The following RNF111 variants were observed in gnomAD, a reference collection of about 807,000 sequenced individuals.
RNF111 encodes ring finger protein 111.
RNF111 carries 17 observed loss-of-function variants against 95.1 expected under a neutral mutation model. That is an observed-to-expected ratio of 0.18 (90% confidence interval 0.12 to 0.27). RNF111 has a LOEUF of 0.27. RNF111 is among the 10% of genes least tolerant of loss of function. The pLI, the probability that RNF111 is intolerant of heterozygous loss-of-function variation, is 1.00. For missense variants in RNF111, 1,189 were observed against 1,210.4 expected (o/e 0.98, Z 0.26); for synonymous variants, 440 against 414.8 (o/e 1.06, Z -0.74).
At chr15:59,086,391 T>A (rs1010331002) in intron 10 of RNF111, among the ~76,000 whole-genome samples, 3 of 152,214 alleles carry the variant, frequency 2.0e-5, no homozygotes, top group Admixed American at 6.5e-5. Context: ...AGTGCTGGGA[T>A]TACAGGCTTG....
intron 1 of RNF111, among the ~76,000 whole-genome samples, chr15:59,000,375 C>T (rs1353547141): frequency 6.6e-6 from 1 of 151,840 alleles, no homozygotes; most frequent in Admixed American, 6.6e-5. Flanking sequence ...GTTGTCCAGG[C>T]TGATCTCAAA....
At chr15:59,080,114 CTTTTTTTTTTT>C (rs1194255542) in intron 7 of RNF111, among the ~76,000 whole-genome samples, 1 of 85,446 alleles carries the variant, frequency 1.2e-5, no homozygotes, top group Non-Finnish European at 2.1e-5. Flanking sequence ...TTGTGTGCTC[CTTTTTTTTTTT>C]TTTTTTTTTT....
chr15:58,997,833 C>G (rs1370732490), intron 1 of RNF111, among the ~76,000 whole-genome samples: 1 of 151,662 alleles, frequency 6.6e-6, no homozygotes, highest in Non-Finnish European at 1.5e-5. Context: ...AAACAAAAAC[C>G]CAAAAAATTT....
rs2079188474 is a variant in RNF111, at chr15:59,097,338, C to T, written c.*2438C>T. 6.6e-6 allele frequency: 1 copy of T among 152,164 alleles called. No individual in the cohort carries two copies. Among genetic ancestry groups the T allele is most frequent in the African/African-American group, 2.4e-5 (1 of 41,444 alleles). The allele number at this position is 152,164 out of a possible 1,614,324, so 9.4% of individuals were successfully genotyped here. On this transcript the variant is annotated 3_prime_UTR_variant, in exon 14 of 14. Coordinates refer to ENST00000348370, the MANE Select transcript of RNF111 (RefSeq NM_017610.8). Reference sequence around the variant, plus strand: ...CTGATAATTTGAAACATTTTTCTTACTCTGGTGACTTTCTTTTAGCTGCTA... The same window carrying T: ...CTGATAATTTGAAACATTTTTCTTATTCTGGTGACTTTCTTTTAGCTGCTA...
Position 59,094,867 on chromosome 15 carries a change from G to C in RNF111, c.2928G>C (p.Val976=), listed in dbSNP as rs1430114171. Residue 976 remains valine (V), a synonymous_variant, in exon 14 of 14, where the codon GTG becomes GTC. Coordinates refer to ENST00000348370, the MANE Select transcript of RNF111 (RefSeq NM_017610.8). ...ITNKKCPICR[V]DIEAQLPSES ...ATAAGAAGTGCCCCATATGCAGAGT[G>C]GACATTGAGGCCCAGCTGCCAAGTG... 1 of 1,610,154 alleles carries C rather than the reference G, an allele frequency of 6.2e-7. No homozygotes were observed. The highest frequency in any genetic ancestry group is 1.3e-5 in the African/African-American group (1 of 74,738).
At chr15:59,086,441 A>G (rs1000028856) in intron 10 of RNF111, among the ~76,000 whole-genome samples, 4 of 152,226 alleles carry the variant, frequency 2.6e-5, no homozygotes, top group Non-Finnish European at 5.9e-5. Flanking sequence ...CTGCAGAAAG[A>G]TTATACTAAT....
At chr15:59,080,766 T>C (rs971998341) in intron 7 of RNF111, among the ~76,000 whole-genome samples, 170 bp from the exon 8 acceptor site, 13 of 152,198 alleles carry the variant, frequency 8.5e-5, no homozygotes, top group African/African-American at 7.2e-5. Flanking sequence ...TCCAAGATTA[T>C]TGTAAGAAGG....
intron 5 of RNF111, among the ~76,000 whole-genome samples, chr15:59,060,091 T>G (rs1165367891): frequency 6.6e-6 from 1 of 152,172 alleles, no homozygotes; most frequent in East Asian, 1.9e-4. Flanking sequence ...CAGGCCAGTC[T>G]TGAAGTTCCA....
At chr15:59,063,296 T>C (rs1418708041) in intron 5 of RNF111, among the ~76,000 whole-genome samples, 1 of 152,200 alleles carries the variant, frequency 6.6e-6, no homozygotes, top group African/African-American at 2.4e-5. Flanking sequence ...AGGACTTTCA[T>C]TTTCACCTTT....
rs905495420 is a variant in RNF111 at position 59,032,382 on chromosome 15, G to A, written c.880+680G>A. Among the ~76,000 whole-genome samples the A allele has an allele frequency of 5.2e-4, 79 of 152,182 alleles. 1 individual carries two copies. Among genetic ancestry groups the A allele is most frequent in the African/African-American group, 1.8e-3 (75 of 41,530 alleles). On this transcript the variant is annotated intron_variant, in intron 2 of 13. Coordinates refer to ENST00000348370, the MANE Select transcript of RNF111 (RefSeq NM_017610.8). ...TACCTGTATGATGGATTCAGCCATAGTAAGAACAGTTCTAGTCACTAAAAA... is the reference window on the plus strand; with the variant it reads ...TACCTGTATGATGGATTCAGCCATAATAAGAACAGTTCTAGTCACTAAAAA...
intron 1 of RNF111, among the ~76,000 whole-genome samples, chr15:59,006,734 G>T (rs1362764922): frequency 1.3e-5 from 2 of 152,036 alleles, no homozygotes; most frequent in Non-Finnish European, 2.9e-5. Flanking sequence ...CATTTTACCC[G>T]TAAAAAACTA....
At chr15:59,079,563 T>C (rs1332287652) in intron 7 of RNF111, among the ~76,000 whole-genome samples, 1 of 152,226 alleles carries the variant, frequency 6.6e-6, no homozygotes, top group Admixed American at 6.5e-5. Flanking sequence ...TGAAAACTTC[T>C]GTAATGAAAC....
rs771821899 is a variant in RNF111, at chr15:59,081,142, C to A, written c.2155C>A (p.Pro719Thr). Residue 719 changes from proline to threonine, a missense_variant, in exon 8 of 14, where the codon CCA becomes ACA. Physicochemically the swap from Pro to Thr is conservative, Grantham distance 38. Around this residue, in one of 2 missense-constraint regions of RNF111, gnomAD observed 1,024 missense variants for 925.9 expected, o/e 1.11. Transcript: ENST00000348370. ...PPTHLASTAA[P>T]IPQHLPPTHQ... ...AACTCACTTAGCCAGTACAGCTGCA[C>A]CAATCCCTCAGCATCTTCCTCCTAC... 6.2e-6 allele frequency: 10 copies of A among 1,614,044 alleles called. No individual in the cohort carries two copies. The highest frequency in any genetic ancestry group is 1.6e-4 in the Middle Eastern group (1 of 6,084).
In RNF111 at chr15:59,016,007, C is replaced by T. The variant is rs573216374; in HGVS notation, c.-19-14797C>T. Among the ~76,000 whole-genome samples, 8 of 151,790 alleles carry T rather than the reference C, an allele frequency of 5.3e-5. No individual in the cohort carries two copies. In the East Asian group the frequency reaches 7.7e-4, roughly 15 times the overall value. On this transcript the variant is annotated intron_variant, in intron 1 of 13. Transcript: ENST00000348370. ...CTGGGACTCCAGGTGCACCCCACCA[C>T]ACCTAGATAACTTTTGTATTTTTAG...
At chr15:59,086,932 C>G (rs1333938911) in intron 10 of RNF111, among the ~76,000 whole-genome samples, 1 of 152,138 alleles carries the variant, frequency 6.6e-6, no homozygotes, top group Non-Finnish European at 1.5e-5. Context: ...ATGTGGGAAA[C>G]CAGTTAGGAC....
chr15:59,016,800 A>G (rs1325222860), intron 1 of RNF111, among the ~76,000 whole-genome samples: 1 of 152,176 alleles, frequency 6.6e-6, no homozygotes, highest in Admixed American at 6.5e-5. Context: ...GTGGATGAGT[A>G]GTGAAGCTTC....
chr15:59,048,326 C>T (rs2041811860), intron 2 of RNF111, among the ~76,000 whole-genome samples: 1 of 152,138 alleles, frequency 6.6e-6, no homozygotes, highest in South Asian at 2.1e-4. Context: ...CATAAATACG[C>T]TGAGTGAAAG....
At chr15:59,010,509 C>T (rs1353901164) in intron 1 of RNF111, among the ~76,000 whole-genome samples, 1 of 152,052 alleles carries the variant, frequency 6.6e-6, no homozygotes, top group African/African-American at 2.4e-5. Context: ...TTAAGCGATT[C>T]TCCTGCCTCA....
At chr15:59,029,079 T>C (rs1254710892) in intron 1 of RNF111, among the ~76,000 whole-genome samples, 2 of 152,118 alleles carry the variant, frequency 1.3e-5, no homozygotes, top group African/African-American at 4.8e-5. Flanking sequence ...CGCGCCCAGC[T>C]TGTATTTAAT....
Sources: allele counts gnomAD v4.1 joint callset (sites outside exome capture counted in the v4.1 genomes callset), GRCh38; gene constraint gnomAD v4.1.1; regional missense constraint gnomAD v4.1.1; transcripts MANE v1.5; gene names NCBI Gene and HGNC (gene_info 2026-07-23, HGNC 2026-07-21).